The following TRAPPC9 variants were observed in gnomAD, a reference collection of about 807,000 sequenced individuals.
TRAPPC9 encodes the protein trafficking protein particle complex subunit 9, also known as IKK2 binding protein.
In TRAPPC9, 83 loss-of-function variants were observed where a neutral mutation model predicts 124.0. The observed-to-expected ratio is 0.67, with a 90% CI of 0.56 to 0.80. TRAPPC9 has a LOEUF of 0.80. Ranked by LOEUF, TRAPPC9 falls within the 30% of genes least tolerant of loss-of-function variation. TRAPPC9 has a pLI of 0.00. For synonymous variants in TRAPPC9, 638 were observed against 617.5 expected, an observed-to-expected ratio of 1.03 and a Z score of -0.49; for missense variants, 1,302 against 1,508.3, an observed-to-expected ratio of 0.86 and a Z score of 2.27.
chr8:140,297,473 T>G (rs2065842700), intron 11 of TRAPPC9, among the ~76,000 whole-genome samples: 1 of 152,148 alleles, frequency 6.6e-6, no homozygotes, highest in South Asian at 2.1e-4. Context: ...TAGAGTAGAT[T>G]ATATAGTTAG....
chr8:140,046,901 T>C (rs967424021), intron 17 of TRAPPC9, among the ~76,000 whole-genome samples: 1 of 152,246 alleles, frequency 6.6e-6, no homozygotes, highest in Non-Finnish European at 1.5e-5. Flanking sequence ...CTTTTCTTCA[T>C]CTGTAAAATG....
intron 10 of TRAPPC9, 136 bp from the exon 11 acceptor site, chr8:140,300,750 C>T (rs2065953636): frequency 9.5e-7 from 1 of 1,053,526 alleles, no homozygotes; most frequent in South Asian, 1.3e-5. Flanking sequence ...GAAAAGCACT[C>T]CGAGGCATCA....
chr8:139,947,974 C>T (rs62526997), intron 19 of TRAPPC9, among the ~76,000 whole-genome samples: 2,309 of 144,200 alleles, frequency 0.016, 27 homozygotes, highest in Non-Finnish European at 0.022. Context: ...ATTGACAGCA[C>T]GGGATTTTGA....
Position 139,830,242 on chromosome 8 carries a change from ACAC to A in TRAPPC9, c.3055+55634_3055+55636del, listed in dbSNP as rs1825889810. On this transcript the variant is annotated intron_variant, in intron 21 of 22. Coordinates refer to ENST00000438773, the MANE Select transcript of TRAPPC9 (RefSeq NM_001160372.4). The stretch of plus-strand genomic sequence containing the variant: ...CACAAATGAGCATACACATGCACAC[ACAC>A]ACTACACATGCACACACATGCATAC... 2.6e-5 allele frequency among the ~76,000 whole-genome samples: 4 copies of A among 151,914 alleles called. No individual in the cohort carries two copies. In the South Asian group the frequency reaches 8.3e-4, roughly 32 times the overall value.
At chr8:139,890,535 G>A (rs971877249) in intron 20 of TRAPPC9, among the ~76,000 whole-genome samples, 2 of 152,232 alleles carry the variant, frequency 1.3e-5, no homozygotes, top group Non-Finnish European at 2.9e-5. Flanking sequence ...AGGCTCACAG[G>A]TGGAGAGAGG....
intron 21 of TRAPPC9, among the ~76,000 whole-genome samples, chr8:139,808,799 TC>T (rs1453152403): frequency 6.6e-6 from 1 of 152,264 alleles, no homozygotes; most frequent in Non-Finnish European, 1.5e-5. Flanking sequence ...AGTACTTTGT[TC>T]CTTTTTCTGG....
intron 21 of TRAPPC9, among the ~76,000 whole-genome samples, chr8:139,854,252 T>C (rs1385522794): frequency 6.6e-6 from 1 of 152,188 alleles, no homozygotes; most frequent in Admixed American, 6.5e-5. Flanking sequence ...CTCTGGAACA[T>C]CAGAACTGAA....
intron 21 of TRAPPC9, among the ~76,000 whole-genome samples, chr8:139,836,136 G>A (rs1362798611): frequency 2.6e-5 from 4 of 152,048 alleles, no homozygotes; most frequent in African/African-American, 9.7e-5. Context: ...AGCCTCCTGA[G>A]TAGCTGGAAT....
chr8:139,793,862 G>C (rs1822870408), intron 21 of TRAPPC9, among the ~76,000 whole-genome samples: 1 of 152,178 alleles, frequency 6.6e-6, no homozygotes, highest in Non-Finnish European at 1.5e-5. Context: ...AGTGATATTT[G>C]AAATAAAATG....
chr8:139,735,670 T>TG (rs1466824400), intron 21 of TRAPPC9, among the ~76,000 whole-genome samples: 2 of 149,894 alleles, frequency 1.3e-5, no homozygotes, highest in Non-Finnish European at 3.0e-5. Flanking sequence ...TTTTTTTTTT[T>TG]GTTTTGTTTT....
At position 140,182,423 on chromosome 8, in the gene TRAPPC9, C is replaced by T. The variant is rs10104346; in HGVS notation, c.2556+39036G>A. ...TTTCACAAATATGTTTGAGAATGGC[C>T]GCTTCCCAAAGCTGTTATTCGATAG... is the stretch of plus-strand genomic sequence containing the variant. On this transcript the variant is annotated intron_variant, in intron 17 of 22. Coordinates refer to ENST00000438773, the MANE Select transcript of TRAPPC9 (RefSeq NM_001160372.4). This position sits in a 1 kb window ranked among gnomAD's most constrained non-coding sequence, Gnocchi z 4.0. 0.026 allele frequency among the ~76,000 whole-genome samples: 3,923 copies of T among 152,002 alleles called. 165 individuals carry two copies. The highest frequency in any genetic ancestry group is 0.089 in the African/African-American group (3,678 of 41,440).
intron 6 of TRAPPC9, among the ~76,000 whole-genome samples, chr8:140,398,446 T>G (rs969205097): frequency 3.9e-5 from 6 of 151,978 alleles, no homozygotes; most frequent in African/African-American, 1.2e-4. Context: ...ATATGGACAA[T>G]GAAATGAACA....
chr8:140,290,946 A>C (rs1563921113), intron 12 of TRAPPC9, 47 bp downstream of exon 12: 2 of 1,466,998 alleles, frequency 1.4e-6, no homozygotes, highest in Non-Finnish European at 1.9e-6. Flanking sequence ...CTTTAATGAG[A>C]AGTTTGTATG....
At chr8:140,400,307 A>G (rs1271192987) in intron 6 of TRAPPC9, among the ~76,000 whole-genome samples, 1 of 152,260 alleles carries the variant, frequency 6.6e-6, no homozygotes, top group Non-Finnish European at 1.5e-5. Flanking sequence ...TGAATGCCAC[A>G]TAAATGTGTA....
At chr8:139,749,533 T>G (rs1395521940) in intron 21 of TRAPPC9, among the ~76,000 whole-genome samples, 1 of 152,200 alleles carries the variant, frequency 6.6e-6, no homozygotes, top group Non-Finnish European at 1.5e-5. Flanking sequence ...GGTGCCATGC[T>G]TGTCATGAAG....
chr8:139,819,739 CG>C (rs1825120094), intron 21 of TRAPPC9, among the ~76,000 whole-genome samples: 1 of 151,970 alleles, frequency 6.6e-6, no homozygotes, highest in Non-Finnish European at 1.5e-5. Context: ...CCAGGCCGGG[CG>C]CAGTGGCTCA....
chr8:140,060,771 A>G (rs1467676087), intron 17 of TRAPPC9, among the ~76,000 whole-genome samples: 1 of 152,080 alleles, frequency 6.6e-6, no homozygotes, highest in East Asian at 1.9e-4. Context: ...ACCCTTATTT[A>G]ATTCATCCCC....
chr8:140,023,203 G>A (rs1385707114), intron 18 of TRAPPC9, among the ~76,000 whole-genome samples: 1 of 152,226 alleles, frequency 6.6e-6, no homozygotes, highest in Admixed American at 6.5e-5. Flanking sequence ...CACTACGGAG[G>A]AATGGGAGCC....
chr8:140,413,456 G>A (rs553307211), intron 5 of TRAPPC9, among the ~76,000 whole-genome samples: 16 of 151,078 alleles, frequency 1.1e-4, no homozygotes. Context: ...ATAAGCGTCA[G>A]GCCAGCCTTT....
Sources: gnomAD v4.1 joint callset for allele counts (sites outside exome capture counted in the v4.1 genomes callset) on GRCh38, gnomAD v4.1.1 for gene constraint, Gnocchi (gnomAD v3.1) non-coding constraint, MANE v1.5 for transcripts, NCBI Gene and HGNC (gene_info 2026-07-23, HGNC 2026-07-21) for gene names.